The following CFAP69 variants were observed in gnomAD, a reference collection of about 807,000 sequenced individuals.
CFAP69 encodes the protein cilia and flagella associated protein 69.
A neutral mutation model predicts 123.0 loss-of-function variants in CFAP69; 92 were observed. That is an observed-to-expected ratio of 0.75 (90% CI 0.63 to 0.89). CFAP69 has a LOEUF of 0.89. Among genes scored for constraint, CFAP69 ranks in the 40% least tolerant of loss-of-function variants. The pLI is 0.00. For missense variants in CFAP69, 1,067 were observed against 1,096.9 expected (o/e 0.97, Z 0.39); for synonymous variants, 380 against 364.3 (o/e 1.04, Z -0.49).
intron 15 of CFAP69, among the ~76,000 whole-genome samples, chr7:90,297,009 G>A (rs1792084387): frequency 6.6e-6 from 1 of 152,202 alleles, no homozygotes; most frequent in South Asian, 2.1e-4. Context: ...TACTTGGACA[G>A]GGGAGGGGAT....
intron 1 of CFAP69, among the ~76,000 whole-genome samples, chr7:90,248,473 T>C (rs1016589354): frequency 1.3e-5 from 2 of 152,224 alleles, no homozygotes; most frequent in African/African-American, 4.8e-5. Flanking sequence ...TCTAAGCTAC[T>C]ACAAATGATA....
intron 15 of CFAP69, among the ~76,000 whole-genome samples, chr7:90,296,002 C>T (rs1476178997): frequency 6.6e-6 from 1 of 152,092 alleles, no homozygotes; most frequent in Non-Finnish European, 1.5e-5. Context: ...CTGTTTTATC[C>T]GCAAAGCCTT....
intron 11 of CFAP69, 95 bp downstream of exon 11, chr7:90,277,429 A>G (rs1788783980): frequency 9.3e-7 from 1 of 1,071,970 alleles, no homozygotes; most frequent in Non-Finnish European, 1.3e-6. Context: ...TTATCGGTTC[A>G]TATATTTACC....
chr7:90,262,481 G>T (rs1402676764), intron 4 of CFAP69, among the ~76,000 whole-genome samples: 4 of 151,952 alleles, frequency 2.6e-5, no homozygotes. Flanking sequence ...TGAAATTTGA[G>T]TGAAGAATAA....
chr7:90,293,871 G>A (rs969300814), intron 15 of CFAP69, among the ~76,000 whole-genome samples: 2 of 152,158 alleles, frequency 1.3e-5, no homozygotes, highest in East Asian at 3.9e-4. Context: ...GCAAGTTACA[G>A]TAAGAGTCAT....
intron 2 of CFAP69, 25 bp from the exon 3 acceptor site, chr7:90,258,073 A>G: frequency 1.3e-6 from 2 of 1,569,490 alleles, no homozygotes; most frequent in Non-Finnish European, 1.7e-6. Flanking sequence ...AGCACAAAAG[A>G]ACTAAAATAG....
chr7:90,295,628 A>G (rs1791832259), intron 15 of CFAP69, among the ~76,000 whole-genome samples: 1 of 152,190 alleles, frequency 6.6e-6, no homozygotes, highest in South Asian at 2.1e-4. Flanking sequence ...AGGGGTCCCA[A>G]TCCAGACCCC....
Position 90,261,941 on chromosome 7 carries a change from T to G in CFAP69, c.247-6T>G. ...GAATTTTATTTCTTAACTAAAAATA[T>G]TAAAGCCATTAAGGGATTTAGCACA... On this transcript the variant is annotated splice_region_variant and splice_polypyrimidine_tract_variant and intron_variant, in intron 3 of 22. Coordinates refer to ENST00000389297, the MANE Select transcript of CFAP69 (RefSeq NM_001039706.3). 1 of 1,408,376 alleles carries G rather than the reference T, an allele frequency of 7.1e-7. No homozygotes were observed. Among genetic ancestry groups the G allele is most frequent in the Non-Finnish European group, 9.7e-7 (1 of 1,025,732 alleles). The allele number at this position is 1,408,376 out of a possible 1,614,324, so 87.2% of individuals were successfully genotyped here.
At chr7:90,278,290 G>A (rs1788902540) in intron 11 of CFAP69, among the ~76,000 whole-genome samples, 1 of 152,074 alleles carries the variant, frequency 6.6e-6, no homozygotes, top group African/African-American at 2.4e-5. Context: ...TCAACATGGG[G>A]ATAACACCTA....
intron 11 of CFAP69, among the ~76,000 whole-genome samples, chr7:90,277,948 ATAATGCTTCAGC>A (rs1192679057): frequency 1.3e-5 from 2 of 152,160 alleles, no homozygotes; most frequent in Non-Finnish European, 2.9e-5. Flanking sequence ...AGGAAAGATT[ATAATGCTTCAGC>A]TCTGCTCACA....
At chr7:90,300,136 C>T in intron 17 of CFAP69, 77 bp downstream of exon 17, 1 of 1,262,848 alleles carries the variant, frequency 7.9e-7, no homozygotes, top group Non-Finnish European at 1.0e-6. Context: ...ATTAAGAAAG[C>T]ATCAGGCCTT....
At chr7:90,276,175 A>G (rs1021227335) in intron 9 of CFAP69, 1 of 152,230 alleles carries the variant, frequency 6.6e-6, no homozygotes. Flanking sequence ...TGTGCTACAA[A>G]GAACTGGCTG....
Position 90,286,293 on chromosome 7 carries a change from A to G in CFAP69, c.1550A>G (p.Asn517Ser). The G allele has an allele frequency of 6.3e-7, 1 of 1,598,470 alleles. No individual in the cohort carries two copies. The highest frequency in any genetic ancestry group is 2.2e-5 in the East Asian group (1 of 44,652). The change falls in exon 14 of 23, where the codon AAT (asparagine) becomes AGT (serine). Residue 517 changes from asparagine (N) to serine (S), a missense_variant. Physicochemically the swap from Asn to Ser is conservative, Grantham distance 46. Transcript: ENST00000389297. Reference sequence around the variant, plus strand: ...GTTTTCATACCAGGAATCTTTAAAAATATAATAAGCAAGCCTAATGAAAAG... The same window carrying G: ...GTTTTCATACCAGGAATCTTTAAAAGTATAATAAGCAAGCCTAATGAAAAG... ...TIQQMIGIFK[N>S]IISKPNEKEE...
chr7:90,315,560 T>C (rs982964142), downstream of CFAP69, among the ~76,000 whole-genome samples: 2 of 152,080 alleles, frequency 1.3e-5, no homozygotes, highest in Non-Finnish European at 2.9e-5. Flanking sequence ...TGAGAACTCA[T>C]GGACACAAAA....
chr7:90,292,348 C>T (rs1791327253), intron 15 of CFAP69, among the ~76,000 whole-genome samples: 1 of 152,106 alleles, frequency 6.6e-6, no homozygotes, highest in African/African-American at 2.4e-5. Flanking sequence ...CTTTACTTAC[C>T]ACAGGCCAGG....
chr7:90,260,785 A>G (rs1183632543), intron 3 of CFAP69, among the ~76,000 whole-genome samples: 1 of 147,182 alleles, frequency 6.8e-6, no homozygotes, highest in Non-Finnish European at 1.5e-5. Flanking sequence ...CAACACCTCC[A>G]TTTTTTTTTT....
Position 90,278,570 on chromosome 7 carries a change from ATAATAAAATTTATAC to A in CFAP69, c.1156-1104_1156-1090del, listed in dbSNP as rs200553191. Among the ~76,000 whole-genome samples, 1,313 of 152,250 alleles carry A rather than the reference ATAATAAAATTTATAC, an allele frequency of 8.6e-3. 18 individuals carry two copies. Among genetic ancestry groups the A allele is most frequent in the African/African-American group, 0.028 (1,174 of 41,556 alleles). ...AAATATTAAAATTAGACCTATAAAG[ATAATAAAATTTATAC>A]TACAGTTTATAAGTCAATTCTAATT... is the stretch of plus-strand genomic sequence containing the variant. On this transcript the variant is annotated intron_variant, in intron 11 of 22. Coordinates refer to ENST00000389297, the MANE Select transcript of CFAP69 (RefSeq NM_001039706.3).
At chr7:90,320,975 C>T in the CFAP69 span, 1 of 152,016 alleles carries the variant, frequency 6.6e-6, no homozygotes, top group African/African-American at 2.4e-5. Context: ...GGTCGCCGTC[C>T]GAGGAGCGCG....
At chr7:90,315,674 CAAAAT>C (rs1043002703), downstream of CFAP69, among the ~76,000 whole-genome samples, 7 of 152,120 alleles carry the variant, frequency 4.6e-5, no homozygotes, top group Non-Finnish European at 8.8e-5. Context: ...ACCGGGGTGA[CAAAAT>C]AATCTGTACA....
Sources: allele counts gnomAD v4.1 joint callset (sites outside exome capture counted in the v4.1 genomes callset), GRCh38; gene constraint gnomAD v4.1.1; transcripts MANE v1.5; gene names NCBI Gene and HGNC (gene_info 2026-07-23, HGNC 2026-07-21).